The following QKI variants were observed in gnomAD, a reference collection of about 807,000 sequenced individuals.
QKI encodes the protein QKI, KH domain containing RNA binding.
In QKI, 10 loss-of-function variants were observed where a neutral mutation model predicts 39.0. The ratio of observed to expected loss-of-function variants is 0.26; its 90% confidence interval spans 0.16 to 0.43. The LOEUF (loss-of-function observed/expected upper bound fraction) is 0.43, where lower values mean the gene tolerates loss of function less well. QKI is among the 20% of genes least tolerant of loss of function. The pLI is 1.00. For synonymous variants in QKI, 204 were observed against 155.4 expected, an observed-to-expected ratio of 1.31 and a Z score of -2.33; for missense variants, 218 against 428.0, an observed-to-expected ratio of 0.51 and a Z score of 4.33.
At chr6:163,433,983 T>C (rs1789046110) in intron 1 of QKI, among the ~76,000 whole-genome samples, 2 of 152,218 alleles carry the variant, frequency 1.3e-5, no homozygotes, top group Non-Finnish European at 1.5e-5. Context: ...AAAGGTTGGT[T>C]GTGATTGATA....
chr6:163,448,746 A>G (rs1790338589), intron 1 of QKI, among the ~76,000 whole-genome samples: 1 of 152,044 alleles, frequency 6.6e-6, no homozygotes. Flanking sequence ...TCAAAAATAA[A>G]TAAGTAAATA....
intron 4 of QKI, among the ~76,000 whole-genome samples, chr6:163,554,593 T>G (rs992436495): frequency 8.5e-5 from 13 of 152,254 alleles, no homozygotes; most frequent in African/African-American, 3.1e-4. Flanking sequence ...AGATAAGTAT[T>G]TCAGATGTAA....
chr6:163,440,521 T>C (rs1016160036), intron 1 of QKI, among the ~76,000 whole-genome samples: 14 of 152,242 alleles, frequency 9.2e-5, no homozygotes, highest in African/African-American at 3.4e-4. Context: ...TTGTATCTCC[T>C]AGCCATATAG....
At chr6:163,545,252 A>G (rs907621366) in intron 4 of QKI, among the ~76,000 whole-genome samples, 24 of 152,248 alleles carry the variant, frequency 1.6e-4, no homozygotes, top group African/African-American at 4.8e-4. Context: ...ATCCAGTTCT[A>G]TATCAGGGTC....
chr6:163,463,479 T>G (rs1446424738), intron 2 of QKI, among the ~76,000 whole-genome samples: 1 of 152,158 alleles, frequency 6.6e-6, no homozygotes. Flanking sequence ...AACGTAGTCC[T>G]TGCACTCGTG....
Position 163,570,694 on chromosome 6 carries a change from C to T in QKI, c.1010C>T (p.Ala337Val), listed in dbSNP as rs200918552. Residue 337 changes from alanine to valine, a missense_variant and splice_region_variant, in exon 8 of 8, where the codon GCC becomes GTC. Ala to Val is a moderately conservative substitution (Grantham distance 64, BLOSUM62 0). Transcript: ENST00000361752. Reference protein sequence around the residue: ...PYQRIVTADRAATGN With the variant: ...PYQRIVTADRVATGN The stretch of plus-strand genomic sequence containing the variant: ...TTTTTTTTTGTTTCTAACCACCCAG[C>T]CGCCACCGGCAACTAACCTATGACC... The T allele has an allele frequency of 4.5e-5, 72 of 1,611,998 alleles. No individual in the cohort carries two copies. Among genetic ancestry groups the T allele is most frequent in the Non-Finnish European group, 5.9e-5 (70 of 1,179,388 alleles).
At chr6:163,421,536 T>C (rs1041010353) in intron 1 of QKI, among the ~76,000 whole-genome samples, 1 of 150,878 alleles carries the variant, frequency 6.6e-6, no homozygotes, top group Non-Finnish European at 1.5e-5. Flanking sequence ...TAAGTGCTGC[T>C]TTGGTGTGTT....
Position 163,574,401 on chromosome 6 carries a change from A to G in QKI, c.*3691A>G, listed in dbSNP as rs1783864466. On this transcript the variant is annotated 3_prime_UTR_variant, in exon 8 of 8. Coordinates refer to ENST00000361752, the MANE Select transcript of QKI (RefSeq NM_006775.3). ...CCTATTAGGGGAGCTTAACTTGGGT[A>G]AAGTCAAAGGCCCACTGGCTGTTTC... 6.6e-6 allele frequency: 1 copy of G among 152,178 alleles called. No homozygotes were observed. Among genetic ancestry groups the G allele is most frequent in the African/African-American group, 2.4e-5 (1 of 41,436 alleles). 9.4% of individuals were successfully genotyped at this position (152,178 alleles called of 1,614,324 possible). A position where few individuals can be genotyped will look rare whatever the true frequency, so the allele number is the denominator to read the frequency against.
intron 3 of QKI, among the ~76,000 whole-genome samples, chr6:163,519,839 C>T (rs970489328): frequency 6.6e-6 from 1 of 151,966 alleles, no homozygotes; most frequent in East Asian, 1.9e-4. Context: ...TTTAATATCT[C>T]AGAAAATGTT....
At chr6:163,415,436 G>A in intron 1 of QKI, 101 bp downstream of exon 1, 1 of 1,197,490 alleles carries the variant, frequency 8.4e-7, no homozygotes, top group Non-Finnish European at 1.1e-6. Context: ...CGGCCGGGCG[G>A]GACCGAGCGC....
At position 163,552,206 on chromosome 6, in the gene QKI, C is replaced by CTTTTTTT. The variant is rs35060699; in HGVS notation, c.547-9760_547-9754dup. Among the ~76,000 whole-genome samples, 17 of 101,778 alleles carry CTTTTTTT rather than the reference C, an allele frequency of 1.7e-4. 1 individual carries two copies. Among genetic ancestry groups the CTTTTTTT allele is most frequent in the Non-Finnish European group, 2.2e-4 (12 of 54,338 alleles). The allele number at this position is 101,778 out of a possible 152,430, so 66.8% of individuals were successfully genotyped here. ...TGGATCATCATAAAGTTCGTTCGTT[C>CTTTTTTT]TTTTTTTTTTTTTTTTTTTTTTGAC... On this transcript the variant is annotated intron_variant, in intron 4 of 7. Coordinates refer to ENST00000361752, the MANE Select transcript of QKI (RefSeq NM_006775.3).
chr6:163,437,961 C>A (rs1789445942), intron 1 of QKI, among the ~76,000 whole-genome samples: 1 of 152,140 alleles, frequency 6.6e-6, no homozygotes, highest in African/African-American at 2.4e-5. Flanking sequence ...CGGTCATTTT[C>A]ATAAGCTAAA....
intron 1 of QKI, among the ~76,000 whole-genome samples, chr6:163,429,344 T>C: frequency 6.6e-6 from 1 of 151,566 alleles, no homozygotes; most frequent in Admixed American, 6.6e-5. Context: ...TTCCTTGTAG[T>C]CCCCCCCCAC....
chr6:163,565,489 A>G (rs772314475), intron 6 of QKI: 79 of 987,508 alleles, frequency 8.0e-5, no homozygotes, highest in Non-Finnish European at 8.9e-5. Context: ...AGAAATAGCA[A>G]GAGGCACTGC....
rs527564868 is a variant in QKI, at chr6:163,452,486, C to A, written c.143-2793C>A. On this transcript the variant is annotated intron_variant, in intron 1 of 7. Coordinates refer to ENST00000361752, the MANE Select transcript of QKI (RefSeq NM_006775.3). ...CATGACTTGTTTAACTTTAATGCTCCAGAAACCTAGCTCTTTCTTGCCTTT... is the reference window on the plus strand; with the variant it reads ...CATGACTTGTTTAACTTTAATGCTCAAGAAACCTAGCTCTTTCTTGCCTTT... 3.1e-4 allele frequency among the ~76,000 whole-genome samples: 47 copies of A among 152,218 alleles called. No individual in the cohort carries two copies. In the South Asian group the frequency reaches 9.5e-3, roughly 31 times the overall value.
chr6:163,507,562 G>A (rs1174593799), intron 3 of QKI, among the ~76,000 whole-genome samples: 1 of 152,124 alleles, frequency 6.6e-6, no homozygotes, highest in East Asian at 1.9e-4. Flanking sequence ...ATAAAAAGAA[G>A]GGAAAGAAAA....
chr6:163,484,661 T>C (rs942275418), intron 3 of QKI, among the ~76,000 whole-genome samples: 2 of 152,364 alleles, frequency 1.3e-5, no homozygotes, highest in Admixed American at 6.5e-5. Flanking sequence ...ATGAAAGTTT[T>C]AGATGTAATC....
intron 1 of QKI, among the ~76,000 whole-genome samples, chr6:163,450,206 T>C (rs2475396): frequency 0.81 from 122,686 of 151,928 alleles, 49,713 homozygotes; most frequent in Non-Finnish European, 0.84. Context: ...GACAGGTGCC[T>C]GCCACCACAC....
At chr6:163,506,067 G>A (rs1414798857) in intron 3 of QKI, among the ~76,000 whole-genome samples, 4 of 129,030 alleles carry the variant, frequency 3.1e-5, no homozygotes, top group East Asian at 2.5e-4. Context: ...TTCCCACCCC[G>A]CCCGCCTCCA....
Sources: gnomAD v4.1 joint callset for allele counts (sites outside exome capture counted in the v4.1 genomes callset) on GRCh38, gnomAD v4.1.1 for gene constraint, MANE v1.5 for transcripts, NCBI Gene and HGNC (gene_info 2026-07-23, HGNC 2026-07-21) for gene names.